The following SIL1 variants were observed in gnomAD, a reference collection of about 807,000 sequenced individuals.
SIL1 encodes nucleotide exchange factor SIL1.
In SIL1, 40 loss-of-function variants were observed where a neutral mutation model predicts 49.1. The observed-to-expected ratio is 0.81, with a 90% CI of 0.63 to 1.06. The LOEUF is 1.06. SIL1 is among the 50% of genes least tolerant of loss of function. The probability of loss-of-function intolerance (pLI) is 0.00; values close to 1 mark genes in which losing one functional copy is unlikely to be tolerated. For missense variants in SIL1, 500 were observed against 572.6 expected, an observed-to-expected ratio of 0.87 and a Z score of 1.29; for synonymous variants, 253 against 250.8, an observed-to-expected ratio of 1.01 and a Z score of -0.08.
At chr5:139,106,825 G>A (rs1390450309) in intron 3 of SIL1, among the ~76,000 whole-genome samples, 1 of 152,196 alleles carries the variant, frequency 6.6e-6, no homozygotes, top group East Asian at 1.9e-4. Context: ...CCTGCTTTGT[G>A]CAAAAGCAAG....
intron 1 of SIL1, among the ~76,000 whole-genome samples, chr5:139,144,336 A>G (rs12173085): frequency 0.27 from 41,790 of 152,008 alleles, 6,433 homozygotes; most frequent in Middle Eastern, 0.37. Context: ...AAAAAAACAA[A>G]AACAAAAAAC....
At chr5:139,187,517 TAA>T (rs36105029) in intron 1 of SIL1, among the ~76,000 whole-genome samples, 6 of 136,048 alleles carry the variant, frequency 4.4e-5, no homozygotes, top group Admixed American at 7.4e-5. Context: ...GACTCCATCT[TAA>T]AAAAAAAAAA....
At chr5:139,178,893 A>G (rs1343457617) in intron 1 of SIL1, among the ~76,000 whole-genome samples, 1 of 152,218 alleles carries the variant, frequency 6.6e-6, no homozygotes, top group East Asian at 1.9e-4. Context: ...CTGAAAAAAT[A>G]AAATTTCAGA....
At chr5:139,112,606 C>T (rs1028371934) in intron 3 of SIL1, among the ~76,000 whole-genome samples, 5 of 149,412 alleles carry the variant, frequency 3.3e-5, no homozygotes, top group Non-Finnish European at 4.5e-5. Context: ...TGTCTCCGCC[C>T]GGCAGCCAAC....
At chr5:139,086,270 TAA>T (rs756341363) in intron 3 of SIL1, among the ~76,000 whole-genome samples, 85 of 96,600 alleles carry the variant, frequency 8.8e-4, no homozygotes, top group African/African-American at 2.3e-3. Context: ...GAGACCGTCT[TAA>T]AAAAAAAAAA....
chr5:139,136,280 C>T (rs1357236581), intron 1 of SIL1, among the ~76,000 whole-genome samples: 1 of 152,172 alleles, frequency 6.6e-6, no homozygotes, highest in Non-Finnish European at 1.5e-5. Flanking sequence ...GAATTCAATG[C>T]CATTAGGCGT....
intron 1 of SIL1, among the ~76,000 whole-genome samples, chr5:139,144,224 T>G (rs1261832708): frequency 6.6e-6 from 1 of 152,186 alleles, no homozygotes; most frequent in Non-Finnish European, 1.5e-5. Flanking sequence ...CTTGGGAGGC[T>G]GAGGCAGGAG....
chr5:139,165,159 T>C (rs7716811), intron 1 of SIL1, among the ~76,000 whole-genome samples: 60,287 of 152,084 alleles, frequency 0.4, 13,101 homozygotes, highest in South Asian at 0.52. Flanking sequence ...GTGTGCTACC[T>C]GAGAGCTTCC....
chr5:139,121,530 T>C (rs1750637081), intron 2 of SIL1, among the ~76,000 whole-genome samples: 1 of 152,238 alleles, frequency 6.6e-6, no homozygotes, highest in South Asian at 2.1e-4. Flanking sequence ...TATTATACTG[T>C]TTGATGTTTA....
intron 1 of SIL1, among the ~76,000 whole-genome samples, chr5:139,142,862 G>A (rs554009906): frequency 3.9e-5 from 6 of 152,072 alleles, no homozygotes; most frequent in East Asian, 3.9e-4. Context: ...TCTGCCTTCC[G>A]GGTTCACGCC....
intron 2 of SIL1, among the ~76,000 whole-genome samples, chr5:139,125,948 G>A (rs931193687): frequency 5.3e-5 from 8 of 152,166 alleles, no homozygotes; most frequent in South Asian, 4.2e-4. Context: ...ACACACAGCC[G>A]GCCTTTCCTG....
At chr5:138,999,294 T>C (rs920419006) in intron 7 of SIL1, among the ~76,000 whole-genome samples, 7 of 152,216 alleles carry the variant, frequency 4.6e-5, no homozygotes, top group Admixed American at 6.5e-5. Flanking sequence ...GATTCCTAGG[T>C]ATTCTTCATA....
At position 138,948,889 on chromosome 5, in the gene SIL1, C is replaced by G. The variant is rs1766696935; in HGVS notation, c.1030-1416G>C. 6.6e-6 allele frequency among the ~76,000 whole-genome samples: 1 copy of G among 152,214 alleles called. No homozygotes were observed. Among genetic ancestry groups the G allele is most frequent in the Admixed American group, 6.5e-5 (1 of 15,284 alleles). On this transcript the variant is annotated intron_variant, in intron 9 of 9. Coordinates refer to ENST00000394817, the MANE Select transcript of SIL1 (RefSeq NM_022464.5). The surrounding 1 kb of genome is among the most constrained non-coding windows in gnomAD (Gnocchi z 4.8). Reference sequence around the variant, plus strand: ...CCCAGCATGCTTTTTTCCGCAAGTGCTCTTGCCCTCTCACCTTCCACAATG... The same window carrying G: ...CCCAGCATGCTTTTTTCCGCAAGTGGTCTTGCCCTCTCACCTTCCACAATG...
chr5:138,984,772 GACC>G (rs1012158072), intron 7 of SIL1, among the ~76,000 whole-genome samples: 5 of 152,146 alleles, frequency 3.3e-5, no homozygotes, highest in African/African-American at 4.8e-5. Flanking sequence ...AGGAAAATCT[GACC>G]ACTTCTTGCT....
chr5:139,097,874 ATTAAC>A (rs1238150926), intron 3 of SIL1, among the ~76,000 whole-genome samples: 3 of 152,242 alleles, frequency 2.0e-5, no homozygotes, highest in Admixed American at 1.3e-4. Context: ...ATATCTAGGA[ATTAAC>A]TTAACCAAAG....
intron 1 of SIL1, among the ~76,000 whole-genome samples, chr5:139,156,493 A>T (rs1042240069): frequency 2.0e-5 from 3 of 152,066 alleles, no homozygotes; most frequent in African/African-American, 7.2e-5. Flanking sequence ...CCAGGAGTTG[A>T]GTCTGGCTGA....
At chr5:139,039,889 C>T (rs1421832576) in intron 5 of SIL1, among the ~76,000 whole-genome samples, 1 of 152,102 alleles carries the variant, frequency 6.6e-6, no homozygotes, top group East Asian at 1.9e-4. Flanking sequence ...ACCATAACAA[C>T]CAAATCTGCT....
intron 7 of SIL1, among the ~76,000 whole-genome samples, chr5:138,986,247 G>C (rs1767647593): frequency 6.6e-6 from 1 of 152,180 alleles, no homozygotes; most frequent in Admixed American, 6.5e-5. Context: ...AAGCACTCTG[G>C]AGTTGTACCT....
chr5:139,140,656 C>T (rs946984911), intron 1 of SIL1, among the ~76,000 whole-genome samples: 1 of 152,158 alleles, frequency 6.6e-6, no homozygotes, highest in Non-Finnish European at 1.5e-5. Flanking sequence ...CACAATCCCA[C>T]CGAATGCCCA....
Sources: gnomAD v4.1 joint callset for allele counts (sites outside exome capture counted in the v4.1 genomes callset) on GRCh38, gnomAD v4.1.1 for gene constraint, Gnocchi (gnomAD v3.1) non-coding constraint, MANE v1.5 for transcripts, NCBI Gene and HGNC (gene_info 2026-07-23, HGNC 2026-07-21) for gene names.